The following RTTN variants were observed in gnomAD, a reference collection of about 807,000 sequenced individuals.
RTTN encodes the protein rotatin.
A neutral mutation model predicts 269.2 loss-of-function variants in RTTN; 182 were observed. The observed-to-expected ratio is 0.68, with a 90% CI of 0.60 to 0.76. The LOEUF is 0.76. RTTN is among the 30% of genes least tolerant of loss of function. The probability of loss-of-function intolerance (pLI) is 0.00; values close to 1 mark genes in which losing one functional copy is unlikely to be tolerated. For synonymous variants in RTTN, 1,006 were observed against 963.5 expected (o/e 1.04, Z -0.82); for missense variants, 2,545 against 2,608.6 (o/e 0.98, Z 0.53).
intron 27 of RTTN, among the ~76,000 whole-genome samples, chr18:70,110,397 G>A (rs1256825153): frequency 6.6e-6 from 1 of 152,096 alleles, no homozygotes; most frequent in East Asian, 1.9e-4. Flanking sequence ...TGGACAGTGG[G>A]TGCAGGGCAC....
rs1025651769 is a variant in RTTN, at chr18:70,047,954, A to C, written c.5541+17T>G. The C allele has an allele frequency of 6.2e-7, 1 of 1,600,296 alleles. No individual in the cohort carries two copies. The highest frequency in any genetic ancestry group is 1.3e-5 in the African/African-American group (1 of 74,570). On this transcript the variant is annotated intron_variant, in intron 40 of 48. Coordinates refer to ENST00000640769, the MANE Select transcript of RTTN (RefSeq NM_173630.4). Reference sequence around the variant, plus strand: ...AAACGCTAAATAAAGTTTTTGAAAAACCAAGAAATGACGTACCTGAAGGAT... The same window carrying C: ...AAACGCTAAATAAAGTTTTTGAAAACCCAAGAAATGACGTACCTGAAGGAT...
At chr18:70,088,176 A>C (rs1267983717) in intron 30 of RTTN, 29 bp from the exon 31 acceptor site, 1 of 1,580,328 alleles carries the variant, frequency 6.3e-7, no homozygotes, top group South Asian at 1.2e-5. Flanking sequence ...AAGTTGTTGA[A>C]TCAAATAAGC....
intron 28 of RTTN, among the ~76,000 whole-genome samples, chr18:70,096,083 C>T (rs776344048): frequency 1.3e-5 from 2 of 150,946 alleles, no homozygotes; most frequent in African/African-American, 2.4e-5. Flanking sequence ...TCTGATTCAT[C>T]GATTCGGCTA....
At position 70,142,451 on chromosome 18, in the gene RTTN, T is replaced by C. The variant is rs902919486; in HGVS notation, c.2482-64A>G. On this transcript the variant is annotated intron_variant, in intron 18 of 48. Transcript: ENST00000640769. ...ATCTGCTTCCAATTCTCCAATAAGA[T>C]TTTATAGTTTGTGCCCTATGAACAA... 5.3e-6 allele frequency: 5 copies of C among 941,144 alleles called. No individual in the cohort carries two copies. The African/African-American group carries it at 8.4e-5, about 16-fold the overall frequency. 58.3% of individuals were successfully genotyped at this position (941,144 alleles called of 1,614,324 possible).
At chr18:70,193,543 T>A in intron 7 of RTTN, 90 bp from the exon 8 acceptor site, 1 of 990,024 alleles carries the variant, frequency 1.0e-6, no homozygotes, top group Non-Finnish European at 1.4e-6. Context: ...CCAAAAACAT[T>A]AACAAATTAA....
chr18:70,102,309 T>C (rs1186149635), intron 28 of RTTN, among the ~76,000 whole-genome samples: 1 of 152,264 alleles, frequency 6.6e-6, no homozygotes, highest in Non-Finnish European at 1.5e-5. Flanking sequence ...CTTCTTGAAC[T>C]GATCCCTTTA....
chr18:70,199,650 C>T (rs1055032292), intron 4 of RTTN, 146 bp from the exon 5 acceptor site: 9 of 554,948 alleles, frequency 1.6e-5, no homozygotes, highest in Non-Finnish European at 2.9e-5. Context: ...ACAAGGTCAG[C>T]TGCAAATTTG....
chr18:70,024,501 C>T (rs1209063887), intron 44 of RTTN, among the ~76,000 whole-genome samples: 1 of 152,220 alleles, frequency 6.6e-6, no homozygotes, highest in Non-Finnish European at 1.5e-5. Flanking sequence ...TCCTCCCTCT[C>T]TATTCCCTGC....
Position 70,086,606 on chromosome 18 carries a change from C to T in RTTN, c.4374+7G>A. 1.3e-6 allele frequency: 2 copies of T among 1,542,982 alleles called. No individual in the cohort carries two copies. The highest frequency in any genetic ancestry group is 1.5e-5 in the African/African-American group (1 of 68,786). On this transcript the variant is annotated splice_region_variant and intron_variant, in intron 32 of 48. Coordinates refer to ENST00000640769, the MANE Select transcript of RTTN (RefSeq NM_173630.4). ...TACTAGGTTGATAATTGTTTAAAAT[C>T]ACCCACCTGCCAAGTATAATCCTTT...
chr18:70,086,650 G>A lies in RTTN; in HGVS notation c.4337C>T (p.Pro1446Leu), dbSNP rs1250539990. Reference protein sequence around the residue: ...AFILQNLLVIPMPTEIIKDYT... With the variant: ...AFILQNLLVILMPTEIIKDYT... Reference sequence around the variant, plus strand: ...ATCCTTTATAATTTCTGTAGGCATTGGAATTACAAGGAGATTCTGAAGAAT... The same window carrying A: ...ATCCTTTATAATTTCTGTAGGCATTAGAATTACAAGGAGATTCTGAAGAAT... The change falls in exon 32 of 49, where the codon CCA becomes CTA. Residue 1446 changes from proline (P) to leucine (L), a missense_variant. Physicochemically the swap from Pro to Leu is moderately conservative, Grantham distance 98. Coordinates refer to ENST00000640769, the MANE Select transcript of RTTN (RefSeq NM_173630.4). The A allele has an allele frequency of 2.2e-6, 3 of 1,385,370 alleles. No homozygotes were observed. The highest frequency in any genetic ancestry group is 4.3e-5 in the Admixed American group (2 of 46,702). The allele number at this position is 1,385,370 out of a possible 1,614,324, so 85.8% of individuals were successfully genotyped here.
intron 32 of RTTN, among the ~76,000 whole-genome samples, chr18:70,080,958 A>ACACACACT (rs1214914299): frequency 6.7e-6 from 1 of 149,812 alleles, no homozygotes; most frequent in Non-Finnish European, 1.5e-5. Context: ...ACACACACAC[A>ACACACACT]CACACACACA....
intron 10 of RTTN, among the ~76,000 whole-genome samples, chr18:70,181,437 T>C (rs994936517): frequency 6.6e-6 from 1 of 152,314 alleles, no homozygotes; most frequent in African/African-American, 2.4e-5. Flanking sequence ...GGGAATGACA[T>C]ATGACATACT....
chr18:70,198,611 A>C (rs536299281), intron 5 of RTTN, among the ~76,000 whole-genome samples: 1 of 152,304 alleles, frequency 6.6e-6, no homozygotes, highest in Non-Finnish European at 1.5e-5. Flanking sequence ...CTGGACATTA[A>C]AATACTCTCT....
At chr18:70,151,679 A>C (rs1011894579) in intron 14 of RTTN, among the ~76,000 whole-genome samples, 1 of 152,168 alleles carries the variant, frequency 6.6e-6, no homozygotes, top group Non-Finnish European at 1.5e-5. Flanking sequence ...AGCCCTAAAC[A>C]ATAGCTGTCA....
chr18:70,092,444 C>A (rs2058875919), intron 29 of RTTN, among the ~76,000 whole-genome samples: 1 of 152,106 alleles, frequency 6.6e-6, no homozygotes, highest in African/African-American at 2.4e-5. Context: ...ATAATGTAGA[C>A]AAAATGTAGT....
chr18:70,040,224 C>T (rs1472658118), intron 40 of RTTN, among the ~76,000 whole-genome samples: 1 of 151,158 alleles, frequency 6.6e-6, no homozygotes, highest in Non-Finnish European at 1.5e-5. Context: ...CTGTTGCCTA[C>T]AAGAAACATA....
In RTTN at chr18:70,003,428, T is replaced by TA. The variant is rs2056092740; in HGVS notation, c.*722_*723insT. The TA allele has an allele frequency of 6.6e-6, 1 of 152,206 alleles. No individual in the cohort carries two copies. The highest frequency in any genetic ancestry group is 2.1e-4 in the South Asian group (1 of 4,830). 9.4% of individuals were successfully genotyped at this position (152,206 alleles called of 1,614,324 possible). A position where few individuals can be genotyped will look rare whatever the true frequency, so the allele number is the denominator to read the frequency against. On this transcript the variant is annotated 3_prime_UTR_variant, in exon 49 of 49. Coordinates refer to ENST00000640769, the MANE Select transcript of RTTN (RefSeq NM_173630.4). ...CCAGGCTTATACAGCCCCAACTCTA[T>TA]TTCTTTCTTCTTTATTACACAGCCT...
Position 70,063,965 on chromosome 18 carries a change from CT to C in RTTN, c.4747+1863del, listed in dbSNP as rs35413593. On this transcript the variant is annotated intron_variant, in intron 35 of 48. Transcript: ENST00000640769. ...CTGTGGGTATTCTTTCTTTTATATGCTTTTTTTTTTTTTTTTGGTCATATAT... is the reference window on the plus strand; with the variant it reads ...CTGTGGGTATTCTTTCTTTTATATGCTTTTTTTTTTTTTTTGGTCATATAT... 3.6e-3 allele frequency among the ~76,000 whole-genome samples: 476 copies of C among 131,166 alleles called. 4 individuals carry two copies. The highest frequency in any genetic ancestry group is 0.012 in the African/African-American group (402 of 34,672). 86.0% of individuals were successfully genotyped at this position (131,166 alleles called of 152,430 possible).
At chr18:70,017,880 T>A (rs2056589195) in intron 45 of RTTN, among the ~76,000 whole-genome samples, 1 of 152,212 alleles carries the variant, frequency 6.6e-6, no homozygotes, top group African/African-American at 2.4e-5. Context: ...AAGTTTTAAT[T>A]CCTGCTAATT....
Sources: gnomAD v4.1 joint callset for allele counts (sites outside exome capture counted in the v4.1 genomes callset) on GRCh38, gnomAD v4.1.1 for gene constraint, MANE v1.5 for transcripts, NCBI Gene and HGNC (gene_info 2026-07-23, HGNC 2026-07-21) for gene names.